ESRRG: variants seen among roughly 807,000 people sequenced by gnomAD.
ESRRG encodes the protein estrogen related receptor gamma.
Under a neutral mutation model 44.0 loss-of-function variants are expected in ESRRG, and 13 were observed. The ratio of observed to expected loss-of-function variants is 0.30; its 90% confidence interval spans 0.19 to 0.47. The LOEUF (loss-of-function observed/expected upper bound fraction) is 0.47, where lower values mean the gene tolerates loss of function less well. Ranked by LOEUF, ESRRG falls within the 20% of genes least tolerant of loss-of-function variation. The pLI, the probability that ESRRG is intolerant of heterozygous loss-of-function variation, is 1.00. For missense variants in ESRRG, 395 were observed against 580.6 expected (o/e 0.68, Z 3.29); for synonymous variants, 215 against 214.6 (o/e 1.00, Z -0.02).
intron 2 of ESRRG, among the ~76,000 whole-genome samples, chr1:216,919,703 G>T (rs977677264): frequency 6.6e-6 from 1 of 152,088 alleles, no homozygotes; most frequent in Non-Finnish European, 1.5e-5. Flanking sequence ...TTGCATGGAG[G>T]AGAAATATCA....
chr1:216,929,002 T>C (rs1200741382), intron 2 of ESRRG, among the ~76,000 whole-genome samples: 8 of 152,132 alleles, frequency 5.3e-5, no homozygotes, highest in Non-Finnish European at 7.4e-5. Context: ...CAATTTGAGA[T>C]GATGAAAAAT....
intron 2 of ESRRG, among the ~76,000 whole-genome samples, chr1:216,845,969 G>C (rs1460044279): frequency 6.6e-6 from 1 of 152,064 alleles, no homozygotes; most frequent in Non-Finnish European, 1.5e-5. Context: ...TCTACAGAAG[G>C]CTCCCAGTGT....
chr1:217,086,373 T>G (rs2092085409), intron 1 of ESRRG, among the ~76,000 whole-genome samples: 1 of 152,202 alleles, frequency 6.6e-6, no homozygotes, highest in South Asian at 2.1e-4. Flanking sequence ...CATAACATGC[T>G]TTTTCCTCTG....
At chr1:216,719,898 G>T (rs563479055) in intron 1 of ESRRG, among the ~76,000 whole-genome samples, 1 of 152,072 alleles carries the variant, frequency 6.6e-6, no homozygotes, top group East Asian at 1.9e-4. Flanking sequence ...ATCACCCTTA[G>T]CTCTGCCCAG....
Position 216,696,038 on chromosome 1 carries a change from T to C in ESRRG, c.57-18547A>G, listed in dbSNP as rs1188939482. Among the ~76,000 whole-genome samples, 5 of 152,316 alleles carry C rather than the reference T, an allele frequency of 3.3e-5. No individual in the cohort carries two copies. The East Asian group carries it at 7.7e-4, about 24-fold the overall frequency. On this transcript the variant is annotated intron_variant, in intron 1 of 6. Coordinates refer to ENST00000408911, the MANE Select transcript of ESRRG (RefSeq NM_001438.4). ...TCTCTTCTGCCACCACATCTCACAG[T>C]GTATGGTGAATTCTCAAAATAATGT...
At chr1:216,702,911 A>G (rs2081697095) in intron 1 of ESRRG, among the ~76,000 whole-genome samples, 1 of 152,168 alleles carries the variant, frequency 6.6e-6, no homozygotes, top group Admixed American at 6.5e-5. Context: ...ATACCCTAAC[A>G]GCAGAATAAA....
intron 1 of ESRRG, among the ~76,000 whole-genome samples, chr1:217,072,931 AT>A (rs978058238): frequency 3.9e-5 from 6 of 152,034 alleles, no homozygotes; most frequent in Admixed American, 2.6e-4. Flanking sequence ...ACAAATACCC[AT>A]TGTCATTCAT....
intron 3 of ESRRG, among the ~76,000 whole-genome samples, chr1:216,607,778 G>A (rs2060125566): frequency 6.6e-6 from 1 of 152,176 alleles, no homozygotes; most frequent in African/African-American, 2.4e-5. Flanking sequence ...CAAATGATAA[G>A]TGCCTGAATA....
At chr1:217,114,245 G>A (rs757667411) in intron 1 of ESRRG, among the ~76,000 whole-genome samples, 44 of 151,964 alleles carry the variant, frequency 2.9e-4, no homozygotes, top group Non-Finnish European at 5.9e-5. Flanking sequence ...GTGGGCCTTA[G>A]AGGTTTCAGG....
intron 1 of ESRRG, among the ~76,000 whole-genome samples, chr1:217,044,209 T>C (rs898030039): frequency 8.5e-5 from 13 of 152,182 alleles, no homozygotes; most frequent in African/African-American, 3.1e-4. Context: ...TTCTGTCCAC[T>C]GACCACCCTC....
intron 1 of ESRRG, among the ~76,000 whole-genome samples, chr1:216,989,645 T>A (rs527416328): frequency 1.3e-5 from 2 of 152,190 alleles, no homozygotes; most frequent in South Asian, 2.1e-4. Flanking sequence ...CCTATTCTGA[T>A]ACATACTTAT....
intron 2 of ESRRG, among the ~76,000 whole-genome samples, chr1:216,737,623 C>T (rs891377461): frequency 2.0e-5 from 3 of 152,106 alleles, no homozygotes; most frequent in South Asian, 2.1e-4. Flanking sequence ...ATTATTGAAC[C>T]GTGTAAAGGA....
chr1:216,654,069 G>A (rs1279565280), intron 2 of ESRRG, among the ~76,000 whole-genome samples: 1 of 151,284 alleles, frequency 6.6e-6, no homozygotes, highest in African/African-American at 2.4e-5. Context: ...GTTTCAGTGA[G>A]CCAAGATCAT....
intron 1 of ESRRG, among the ~76,000 whole-genome samples, chr1:217,070,390 T>G (rs1198862336): frequency 6.6e-6 from 1 of 152,128 alleles, no homozygotes; most frequent in Non-Finnish European, 1.5e-5. Flanking sequence ...AAGTTAATTT[T>G]TTTTTTTTTG....
chr1:216,816,619 C>T (rs6604646), intron 2 of ESRRG, among the ~76,000 whole-genome samples: 93,497 of 152,094 alleles, frequency 0.61, 29,298 homozygotes, highest in Non-Finnish European at 0.64. Flanking sequence ...GCCTAAGTTT[C>T]CTGAAATTCA....
intron 2 of ESRRG, among the ~76,000 whole-genome samples, chr1:216,859,048 T>A (rs2813681): frequency 0.49 from 74,428 of 152,102 alleles, 20,598 homozygotes; most frequent in African/African-American, 0.76. Context: ...ATGTGTGTTA[T>A]TACTTTATCC....
intron 2 of ESRRG, among the ~76,000 whole-genome samples, chr1:216,797,666 G>T (rs1381064537): frequency 6.6e-6 from 1 of 152,156 alleles, no homozygotes; most frequent in Admixed American, 6.6e-5. Flanking sequence ...TTTGGGATCA[G>T]ACAGGGGTTG....
intron 3 of ESRRG, among the ~76,000 whole-genome samples, chr1:216,630,328 G>A (rs2063924171): frequency 6.6e-6 from 1 of 152,030 alleles, no homozygotes; most frequent in Non-Finnish European, 1.5e-5. Context: ...AACACAGAAT[G>A]ATGACTGAAT....
At chr1:216,718,317 C>T (rs953184172) in intron 1 of ESRRG, among the ~76,000 whole-genome samples, 20 of 151,924 alleles carry the variant, frequency 1.3e-4, no homozygotes, top group African/African-American at 4.8e-4. Flanking sequence ...TTCCCACATA[C>T]ATGCATATTT....
Sources: gnomAD v4.1 joint callset for allele counts (sites outside exome capture counted in the v4.1 genomes callset) on GRCh38, gnomAD v4.1.1 for gene constraint, MANE v1.5 for transcripts, NCBI Gene and HGNC (gene_info 2026-07-23, HGNC 2026-07-21) for gene names.